SYNE3: variants seen among roughly 807,000 people sequenced by gnomAD.
SYNE3 encodes the protein spectrin repeat containing nuclear envelope family member 3.
Under a neutral mutation model 111.2 loss-of-function variants are expected in SYNE3, and 100 were observed. The observed-to-expected ratio is 0.90, with a 90% CI of 0.77 to 1.06. The LOEUF is 1.06. Among genes scored for constraint, SYNE3 ranks in the 50% least tolerant of loss-of-function variants. SYNE3 has a pLI of 0.00. For synonymous variants in SYNE3, 547 were observed against 533.9 expected (o/e 1.02, Z -0.34); for missense variants, 1,160 against 1,240.3 (o/e 0.94, Z 0.97).
chr14:95,496,779 A>AT (rs1264850907), intron 1 of SYNE3, among the ~76,000 whole-genome samples: 19 of 152,192 alleles, frequency 1.2e-4, no homozygotes, highest in African/African-American at 4.6e-4. Flanking sequence ...GTTATATTGC[A>AT]TTTATGTTTT....
At chr14:95,515,400 G>A (rs1202065682) in intron 1 of SYNE3, among the ~76,000 whole-genome samples, 1 of 152,196 alleles carries the variant, frequency 6.6e-6, no homozygotes, top group Non-Finnish European at 1.5e-5. Flanking sequence ...GACTCCTATG[G>A]GCTGTTGGCT....
At chr14:95,431,032 C>G (rs1885732943) in intron 17 of SYNE3, among the ~76,000 whole-genome samples, 1 of 152,194 alleles carries the variant, frequency 6.6e-6, no homozygotes, top group South Asian at 2.1e-4. Context: ...TCACAGATTT[C>G]TAGGAAACAC....
intron 1 of SYNE3, chr14:95,516,370 C>G (rs1339789874): frequency 6.6e-6 from 1 of 152,288 alleles, no homozygotes; most frequent in Non-Finnish European, 1.5e-5. Context: ...TCGCAGCCAG[C>G]ACAGAACGGT....
chr14:95,453,034 G>A (rs1595208712), intron 6 of SYNE3, among the ~76,000 whole-genome samples: 1 of 152,302 alleles, frequency 6.6e-6, no homozygotes, highest in East Asian at 1.9e-4. Flanking sequence ...AGGACTCTCA[G>A]CCCCTTGCTT....
rs569765340 is a variant in SYNE3 at position 95,432,151 on chromosome 14, A to G, written c.2689-34T>C. ...TTAGGGAAGGAGAGGAAAAGGGGGG[A>G]AAAAAATAAGTTAAGTGAGTGAAAC... On this transcript the variant is annotated intron_variant, in intron 16 of 17. Coordinates refer to ENST00000682763, the MANE Select transcript of SYNE3 (RefSeq NM_152592.6). 26 of 1,598,748 alleles carry G rather than the reference A, an allele frequency of 1.6e-5. No individual in the cohort carries two copies. In the African/African-American group the frequency reaches 2.3e-4, roughly 14 times the overall value.
intron 17 of SYNE3, among the ~76,000 whole-genome samples, chr14:95,427,403 C>T (rs1034369859): frequency 2.0e-4 from 31 of 152,302 alleles, no homozygotes; most frequent in African/African-American, 6.7e-4. Flanking sequence ...CGCAGTTATC[C>T]GGAGGCCTAA....
At chr14:95,464,460 A>G (rs994862398) in intron 4 of SYNE3, among the ~76,000 whole-genome samples, 5 of 152,222 alleles carry the variant, frequency 3.3e-5, no homozygotes, top group African/African-American at 1.2e-4. Flanking sequence ...AGTAGAAAAA[A>G]AATATTGTTA....
chr14:95,477,232 A>G lies in SYNE3; in HGVS notation c.-14-1397T>C, dbSNP rs548150840. ...AGGATGTCTTGCCATTAAAGGGTCT[A>G]TGTGATCAAGTCAGGGCTGTGTGCA... On this transcript the variant is annotated intron_variant, in intron 1 of 17. Coordinates refer to ENST00000682763, the MANE Select transcript of SYNE3 (RefSeq NM_152592.6). Among the ~76,000 whole-genome samples the G allele has an allele frequency of 2.4e-4, 36 of 152,320 alleles. No individual in the cohort carries two copies. The South Asian group carries it at 7.5e-3, about 32-fold the overall frequency.
At chr14:95,436,440 G>T (rs1029345617) in intron 15 of SYNE3, among the ~76,000 whole-genome samples, 5 of 152,180 alleles carry the variant, frequency 3.3e-5, no homozygotes, top group African/African-American at 7.2e-5. Context: ...ACTGACAGCA[G>T]ACGGACTGGA....
At chr14:95,468,981 C>A (rs763899514) in intron 2 of SYNE3, among the ~76,000 whole-genome samples, 1 of 152,188 alleles carries the variant, frequency 6.6e-6, no homozygotes, top group Non-Finnish European at 1.5e-5. Context: ...GAGTTACATT[C>A]TCTAGGCCTA....
At chr14:95,484,099 T>C (rs560965887) in intron 1 of SYNE3, among the ~76,000 whole-genome samples, 2 of 152,282 alleles carry the variant, frequency 1.3e-5, no homozygotes, top group Middle Eastern at 3.4e-3. Context: ...TCCCTAGGCA[T>C]AGTCTGGAGG....
chr14:95,448,124 A>T (rs1412479465), intron 8 of SYNE3, among the ~76,000 whole-genome samples: 3 of 152,352 alleles, frequency 2.0e-5, no homozygotes, highest in Non-Finnish European at 2.9e-5. Context: ...CAATTATAGA[A>T]CTTGATCCCA....
intron 4 of SYNE3, among the ~76,000 whole-genome samples, chr14:95,460,645 T>C (rs1018332349): frequency 7.9e-5 from 12 of 152,174 alleles, no homozygotes; most frequent in African/African-American, 2.9e-4. Context: ...GACAGTCCCC[T>C]TCATGCTTCC....
intron 6 of SYNE3, among the ~76,000 whole-genome samples, chr14:95,453,754 G>A (rs960451480): frequency 5.9e-5 from 9 of 152,222 alleles, no homozygotes; most frequent in African/African-American, 2.2e-4. Flanking sequence ...TCCCTGGAGA[G>A]AGGCCTGTCC....
chr14:95,466,350 C>T, intron 3 of SYNE3, 110 bp from the exon 4 acceptor site: 2 of 1,290,368 alleles, frequency 1.5e-6, no homozygotes, highest in Non-Finnish European at 2.1e-6. Flanking sequence ...GGTCTGGGGG[C>T]ATGATGATGC....
At position 95,511,438 on chromosome 14, in the gene SYNE3, C is replaced by T. The variant is rs145672043; in HGVS notation, c.-15+5158G>A. On this transcript the variant is annotated intron_variant, in intron 1 of 17. Coordinates refer to ENST00000682763, the MANE Select transcript of SYNE3 (RefSeq NM_152592.6). The stretch of plus-strand genomic sequence containing the variant: ...ATCCTGGGCCAGGCGCGGTGACTCA[C>T]GCCTGTAATCCCAGCATTTTGGGAG... 7.1e-3 allele frequency among the ~76,000 whole-genome samples: 1,088 copies of T among 152,268 alleles called. 10 individuals carry two copies. Among genetic ancestry groups the T allele is most frequent in the Middle Eastern group, 0.068 (20 of 294 alleles).
intron 1 of SYNE3, among the ~76,000 whole-genome samples, chr14:95,506,294 A>T (rs17092609): frequency 0.19 from 28,545 of 152,100 alleles, 3,577 homozygotes; most frequent in African/African-American, 0.35. Flanking sequence ...GATATTGACT[A>T]TTTTCTGCAT....
intron 1 of SYNE3, among the ~76,000 whole-genome samples, chr14:95,481,356 C>G (rs17092510): frequency 6.6e-6 from 1 of 151,998 alleles, no homozygotes; most frequent in African/African-American, 2.4e-5. Flanking sequence ...TAAAGCCCCT[C>G]CGAGTCCAGC....
intron 13 of SYNE3, 126 bp from the exon 14 acceptor site, chr14:95,439,288 A>G (rs1008572835): frequency 3.5e-6 from 5 of 1,416,998 alleles, no homozygotes; most frequent in African/African-American, 1.4e-5. Context: ...GTTTGTGAGA[A>G]TGTTCCTGAG....
Sources: allele counts gnomAD v4.1 joint callset (sites outside exome capture counted in the v4.1 genomes callset), GRCh38; gene constraint gnomAD v4.1.1; transcripts MANE v1.5; gene names NCBI Gene and HGNC (gene_info 2026-07-23, HGNC 2026-07-21).